Variants in MARK3 observed in about 807,000 individuals in gnomAD.
MARK3 encodes the protein microtubule affinity regulating kinase 3.
In MARK3, 46 loss-of-function variants were observed where a neutral mutation model predicts 90.1. The ratio of observed to expected loss-of-function variants is 0.51; its 90% CI spans 0.40 to 0.65. The LOEUF is 0.65. Among genes scored for constraint, MARK3 ranks in the 30% least tolerant of loss-of-function variants. MARK3 has a pLI of 0.00. For missense variants in MARK3, 818 were observed against 947.2 expected (o/e 0.86, Z 1.79); for synonymous variants, 321 against 332.6 (o/e 0.97, Z 0.38).
intron 5 of MARK3, among the ~76,000 whole-genome samples, chr14:103,456,274 T>C (rs2093276745): frequency 6.6e-6 from 1 of 152,216 alleles, no homozygotes; most frequent in Non-Finnish European, 1.5e-5. Context: ...TTCCCGTCAT[T>C]GGAAGCCTCT....
intron 14 of MARK3, among the ~76,000 whole-genome samples, chr14:103,487,846 A>G (rs1430510211): frequency 6.6e-6 from 1 of 152,094 alleles, no homozygotes; most frequent in African/African-American, 2.4e-5. Context: ...CAGGAGTTCA[A>G]GACCACCCTG....
At chr14:103,421,312 A>G (rs916898015) in intron 2 of MARK3, among the ~76,000 whole-genome samples, 1 of 152,234 alleles carries the variant, frequency 6.6e-6, no homozygotes, top group Admixed American at 6.5e-5. Context: ...CCCCAGAAGC[A>G]ATGATTTCGT....
chr14:103,469,407 T>C (rs1368919268), intron 12 of MARK3: 2 of 152,038 alleles, frequency 1.3e-5, no homozygotes, highest in African/African-American at 2.4e-5. Flanking sequence ...GTCTTGAACT[T>C]GGGAGCTCAA....
intron 15 of MARK3, 129 bp from the exon 16 acceptor site, chr14:103,498,373 T>C: frequency 1.8e-6 from 1 of 561,444 alleles, no homozygotes; most frequent in East Asian, 4.0e-5. Flanking sequence ...AGCATTTCTT[T>C]GTTCATTGGC....
chr14:103,437,590 A>T (rs1240463578), intron 3 of MARK3, among the ~76,000 whole-genome samples: 1 of 152,050 alleles, frequency 6.6e-6, no homozygotes, highest in Non-Finnish European at 1.5e-5. Flanking sequence ...ACCCAGCTAA[A>T]GTATATTTTT....
At chr14:103,449,024 A>G in intron 4 of MARK3, 57 bp downstream of exon 4, 2 of 1,483,956 alleles carry the variant, frequency 1.3e-6, no homozygotes, top group South Asian at 2.4e-5. Context: ...AAATTATGTC[A>G]TAAAGCTAAA....
intron 14 of MARK3, among the ~76,000 whole-genome samples, chr14:103,481,652 T>C (rs2093820599): frequency 6.6e-6 from 1 of 151,722 alleles, no homozygotes; most frequent in South Asian, 2.1e-4. Flanking sequence ...TGTGTGTGTG[T>C]GTGTGTGTTT....
At chr14:103,495,219 C>G (rs62006268) in intron 15 of MARK3, among the ~76,000 whole-genome samples, 39,691 of 152,126 alleles carry the variant, frequency 0.26, 6,451 homozygotes, top group Middle Eastern at 0.45. Flanking sequence ...GCCTGTAATC[C>G]CAGCACTTTG....
At chr14:103,481,861 G>A (rs532158921) in intron 14 of MARK3, among the ~76,000 whole-genome samples, 52 of 137,722 alleles carry the variant, frequency 3.8e-4, no homozygotes, top group Non-Finnish European at 6.9e-4. Flanking sequence ...CCGCCTCCCG[G>A]GTTCACGCCA....
At chr14:103,452,956 A>C (rs1392757808) in intron 5 of MARK3, among the ~76,000 whole-genome samples, 1 of 152,210 alleles carries the variant, frequency 6.6e-6, no homozygotes, top group African/African-American at 2.4e-5. Context: ...ATGAATGCTT[A>C]GTCTGTTTGA....
chr14:103,453,303 G>A (rs905954418), intron 5 of MARK3, among the ~76,000 whole-genome samples: 4 of 152,136 alleles, frequency 2.6e-5, no homozygotes, highest in Non-Finnish European at 4.4e-5. Context: ...CTAGCACACT[G>A]CCTGGCACAC....
intron 4 of MARK3, 101 bp downstream of exon 4, chr14:103,449,068 G>T (rs966793911): frequency 8.0e-6 from 10 of 1,242,928 alleles, no homozygotes; most frequent in Middle Eastern, 3.8e-4. Flanking sequence ...TACACTTCTA[G>T]TAAAATATAT....
At position 103,465,759 on chromosome 14, in the gene MARK3, G is replaced by C; in HGVS notation, c.743G>C (p.Ser248Thr). 6.2e-7 allele frequency: 1 copy of C among 1,614,086 alleles called. No homozygotes were observed. The highest frequency in any genetic ancestry group is 1.1e-5 in the South Asian group (1 of 91,070). ...GGGGTCATTTTATACACACTAGTCA[G>C]TGGCTCACTTCCCTTTGATGGGCAA... ...SLGVILYTLV[S>T]GSLPFDGQNL... The change falls in exon 8 of 18, where the codon AGT (serine) becomes ACT (threonine). Residue 248 changes from serine to threonine, a missense_variant. Ser to Thr is a moderately conservative substitution (Grantham distance 58). This residue lies in a region of MARK3 where 101 missense variants were observed against 175.1 expected (regional missense o/e 0.58). Coordinates refer to ENST00000429436, the MANE Select transcript of MARK3 (RefSeq NM_001128918.3).
intron 2 of MARK3, among the ~76,000 whole-genome samples, chr14:103,411,001 G>T (rs1338110055): frequency 6.6e-6 from 1 of 152,184 alleles, no homozygotes; most frequent in Non-Finnish European, 1.5e-5. Context: ...TAGGCCGGGT[G>T]CAGTGGCTCA....
chr14:103,421,738 T>C (rs887130119), intron 2 of MARK3, among the ~76,000 whole-genome samples: 16 of 152,224 alleles, frequency 1.1e-4, no homozygotes, highest in Non-Finnish European at 4.4e-5. Context: ...TGAAGTCACT[T>C]GTCTTCTGGT....
chr14:103,387,302 T>C (rs1188018558), intron 1 of MARK3, among the ~76,000 whole-genome samples: 1 of 152,182 alleles, frequency 6.6e-6, no homozygotes, highest in Non-Finnish European at 1.5e-5. Flanking sequence ...CCCTGTAGCA[T>C]ATTAGTATAC....
At chr14:103,457,927 G>C (rs1285050557) in intron 6 of MARK3, among the ~76,000 whole-genome samples, 1 of 152,058 alleles carries the variant, frequency 6.6e-6, no homozygotes, top group African/African-American at 2.4e-5. Flanking sequence ...TGTGGAGAAC[G>C]GGGTCTCGCT....
chr14:103,488,709 G>C (rs543058331), intron 14 of MARK3, among the ~76,000 whole-genome samples: 20 of 152,164 alleles, frequency 1.3e-4, no homozygotes, highest in African/African-American at 3.6e-4. Flanking sequence ...TTAAAAATTA[G>C]CCAGGCATAG....
At chr14:103,450,875 A>AGTGTGTGTGTGTGTGT (rs61183226) in intron 4 of MARK3, among the ~76,000 whole-genome samples, 2 of 114,828 alleles carry the variant, frequency 1.7e-5, no homozygotes, top group Non-Finnish European at 3.4e-5. Flanking sequence ...TCATTTTTAA[A>AGTGTGTGTGTGTGTGT]GTGTGTGTGT....
Sources: allele counts gnomAD v4.1 joint callset (sites outside exome capture counted in the v4.1 genomes callset), GRCh38; gene constraint gnomAD v4.1.1; regional missense constraint gnomAD v4.1.1; transcripts MANE v1.5; gene names NCBI Gene and HGNC (gene_info 2026-07-23, HGNC 2026-07-21).